The following POC1B variants were observed in gnomAD, a reference collection of about 807,000 sequenced individuals.
POC1B encodes POC1 centriolar protein homolog B.
A neutral mutation model predicts 60.6 loss-of-function variants in POC1B; 44 were observed. That is an observed-to-expected ratio of 0.73 (90% CI 0.57 to 0.93). The LOEUF is 0.93. Among genes scored for constraint, POC1B ranks in the 40% least tolerant of loss-of-function variants. The probability of loss-of-function intolerance (pLI) is 0.00; values close to 1 mark genes in which losing one functional copy is unlikely to be tolerated. For synonymous variants in POC1B, 180 were observed against 198.9 expected, an observed-to-expected ratio of 0.90 and a Z score of 0.80; for missense variants, 555 against 572.3, an observed-to-expected ratio of 0.97 and a Z score of 0.31.
intron 2 of POC1B, among the ~76,000 whole-genome samples, chr12:89,507,378 T>C (rs775815858): frequency 2.0e-5 from 3 of 151,518 alleles, no homozygotes; most frequent in Non-Finnish European, 2.9e-5. Flanking sequence ...CCTAATACCA[T>C]GATAATAAAA....
chr12:89,451,927 G>A (rs1320313660), intron 10 of POC1B, among the ~76,000 whole-genome samples: 1 of 152,122 alleles, frequency 6.6e-6, no homozygotes, highest in African/African-American at 2.4e-5. Flanking sequence ...ATTTAGCTCC[G>A]TAGTAAACCA....
intron 10 of POC1B, among the ~76,000 whole-genome samples, chr12:89,445,328 G>A (rs1311008194): frequency 1.3e-5 from 2 of 152,106 alleles, no homozygotes; most frequent in Non-Finnish European, 2.9e-5. Flanking sequence ...AACAAAGCTG[G>A]AGGCATCATG....
At chr12:89,412,079 G>A in the POC1B span, among the ~76,000 whole-genome samples, 1 of 152,206 alleles carries the variant, frequency 6.6e-6, no homozygotes, top group African/African-American at 2.4e-5. Flanking sequence ...TTCCTCTGGG[G>A]ATTAAGCAGG....
At chr12:89,426,458 A>G (rs1421253513) in intron 10 of POC1B, 1 of 152,258 alleles carries the variant, frequency 6.6e-6, no homozygotes, top group Non-Finnish European at 1.5e-5. Context: ...GCAATGAACA[A>G]TCCAAAAATA....
At chr12:89,524,858 T>A (rs1871285749) in intron 2 of POC1B, 1 of 622,436 alleles carries the variant, frequency 1.6e-6, no homozygotes, top group African/African-American at 1.9e-5. Flanking sequence ...CACTCACTCC[T>A]CCTGGTGGTT....
intron 10 of POC1B, among the ~76,000 whole-genome samples, chr12:89,442,808 C>A (rs904333732): frequency 6.6e-6 from 1 of 152,066 alleles, no homozygotes; most frequent in Non-Finnish European, 1.5e-5. Flanking sequence ...CACAGACTGG[C>A]AAATTGGATA....
At chr12:89,401,500 T>C in the POC1B span, among the ~76,000 whole-genome samples, 1 of 151,278 alleles carries the variant, frequency 6.6e-6, no homozygotes. Context: ...ATTCCCATGC[T>C]TTCCCACGAT....
chr12:89,434,676 G>A (rs916366206), intron 10 of POC1B, among the ~76,000 whole-genome samples: 1 of 152,046 alleles, frequency 6.6e-6, no homozygotes, highest in Non-Finnish European at 1.5e-5. Flanking sequence ...AACTCAAAAG[G>A]GAAAACAAGT....
At chr12:89,487,893 T>A (rs1277416554) in intron 4 of POC1B, among the ~76,000 whole-genome samples, 1 of 151,982 alleles carries the variant, frequency 6.6e-6, no homozygotes, top group Non-Finnish European at 1.5e-5. Context: ...TCCCTTATCA[T>A]CTTTTGTGCC....
At chr12:89,459,956 T>A in intron 9 of POC1B, 1 of 480,648 alleles carries the variant, frequency 2.1e-6, no homozygotes, top group Non-Finnish European at 3.8e-6. Flanking sequence ...GGTTTTCACT[T>A]TAGAAAATCA....
intron 10 of POC1B, among the ~76,000 whole-genome samples, chr12:89,435,823 T>C (rs965637145): frequency 1.3e-5 from 2 of 152,172 alleles, no homozygotes; most frequent in Non-Finnish European, 2.9e-5. Flanking sequence ...ATGAGCTAGA[T>C]TCTTTTACTT....
At chr12:89,407,400 T>A in the POC1B span, among the ~76,000 whole-genome samples, 1 of 150,264 alleles carries the variant, frequency 6.7e-6, no homozygotes, top group Non-Finnish European at 1.5e-5. Flanking sequence ...GCCCAGCTAA[T>A]TTTTTTTTGT....
intron 2 of POC1B, chr12:89,522,500 TTTAATA>T (rs1270091473): frequency 8.7e-6 from 3 of 345,420 alleles, no homozygotes; most frequent in Admixed American, 4.6e-5. Context: ...CTTTACATTC[TTTAATA>T]TTAAGTCTGG....
At chr12:89,436,014 G>A (rs896549453) in intron 10 of POC1B, among the ~76,000 whole-genome samples, 1 of 150,636 alleles carries the variant, frequency 6.6e-6, no homozygotes, top group Non-Finnish European at 1.5e-5. Flanking sequence ...GCACGATCTC[G>A]ACTCACCACA....
intron 2 of POC1B, chr12:89,521,107 T>A (rs902907435): frequency 4.1e-5 from 4 of 97,600 alleles, no homozygotes; most frequent in African/African-American, 1.6e-4. Flanking sequence ...TATTTTATTA[T>A]TATTTTTTTT....
chr12:89,482,356 C>T (rs1868395155), intron 4 of POC1B, among the ~76,000 whole-genome samples: 1 of 151,734 alleles, frequency 6.6e-6, no homozygotes, highest in Non-Finnish European at 1.5e-5. Context: ...ATCAAGTGGT[C>T]AAACATACAT....
intron 2 of POC1B, chr12:89,500,002 C>CTTGCT (rs1869469118): frequency 1.1e-6 from 1 of 875,150 alleles, no homozygotes; most frequent in African/African-American, 1.7e-5. Flanking sequence ...GCCTGGTAGT[C>CTTGCT]CGGCGATTCA....
intron 2 of POC1B, chr12:89,522,950 T>C: frequency 1.9e-6 from 3 of 1,614,068 alleles, no homozygotes; most frequent in Non-Finnish European, 2.5e-6. Context: ...CCATCTTCTT[T>C]AAAATGCCAA....
At chr12:89,467,241 T>C (rs890128298) in intron 8 of POC1B, among the ~76,000 whole-genome samples, 3 of 152,124 alleles carry the variant, frequency 2.0e-5, no homozygotes, top group Admixed American at 6.5e-5. Context: ...AATCTGGCCA[T>C]GAATGACTTT....
Sources: gnomAD v4.1 joint callset for allele counts (sites outside exome capture counted in the v4.1 genomes callset) on GRCh38, gnomAD v4.1.1 for gene constraint, MANE v1.5 for transcripts, NCBI Gene and HGNC (gene_info 2026-07-23, HGNC 2026-07-21) for gene names.